KANSL1L: variants seen among roughly 807,000 people sequenced by gnomAD.
KANSL1L encodes KAT8 regulatory NSL complex subunit 1 like, also known as KAT8 regulatory NSL complex subunit 1-like protein.
In KANSL1L, 25 loss-of-function variants were observed where a neutral mutation model predicts 108.6. The observed-to-expected ratio is 0.23, with a 90% CI of 0.17 to 0.32. The LOEUF (loss-of-function observed/expected upper bound fraction) is 0.32, where lower values mean the gene tolerates loss of function less well. Among genes scored for constraint, KANSL1L ranks in the 10% least tolerant of loss-of-function variants. The pLI is 1.00. For missense variants in KANSL1L, 1,137 were observed against 1,125.7 expected (o/e 1.01, Z -0.14); for synonymous variants, 405 against 395.1 (o/e 1.03, Z -0.30).
intron 3 of KANSL1L, among the ~76,000 whole-genome samples, chr2:210,114,486 A>G (rs536662015): frequency 6.6e-6 from 1 of 152,298 alleles, no homozygotes; most frequent in South Asian, 2.1e-4. Context: ...AGGTGAAATG[A>G]AAGACGTAGA....
chr2:210,138,223 C>G (rs1193894324), intron 2 of KANSL1L, among the ~76,000 whole-genome samples: 1 of 151,606 alleles, frequency 6.6e-6, no homozygotes, highest in African/African-American at 2.4e-5. Context: ...AAACAGAAAA[C>G]CAAATACTGC....
In KANSL1L at chr2:210,154,556, T is replaced by A. The variant is rs1315103081; in HGVS notation, c.27A>T (p.Thr9=). The change falls in exon 2 of 15, where the codon ACA becomes ACT. Residue 9 remains threonine, a synonymous_variant. Transcript: ENST00000281772. The part of the protein sequence containing the change: MTPALREA[T]AKGISFSSLP... ...AAGATGAAAAGCTGATACCCTTTGCTGTTGCCTCCCTCAGAGCTGGGGTCA... is the reference window on the plus strand; with the variant it reads ...AAGATGAAAAGCTGATACCCTTTGCAGTTGCCTCCCTCAGAGCTGGGGTCA... 1 of 1,543,968 alleles carries A rather than the reference T, an allele frequency of 6.5e-7. No individual in the cohort carries two copies.
At position 210,043,892 on chromosome 2, in the gene KANSL1L, C is replaced by T. The variant is rs2094195708; in HGVS notation, c.1921+47G>A. 4 of 1,273,386 alleles carry T rather than the reference C, an allele frequency of 3.1e-6. No homozygotes were observed. The East Asian group carries it at 1.0e-4, about 32-fold the overall frequency. The allele number at this position is 1,273,386 out of a possible 1,614,324, so 78.9% of individuals were successfully genotyped here. On this transcript the variant is annotated intron_variant, in intron 7 of 14. Transcript: ENST00000281772. ...TCTCTGTATTTAGAGGATTAGATTT[C>T]AGTACAGAAAATATCGTTACTTAGA... is the stretch of plus-strand genomic sequence containing the variant.
At chr2:210,145,771 C>G (rs898832278) in intron 2 of KANSL1L, among the ~76,000 whole-genome samples, 6 of 152,168 alleles carry the variant, frequency 3.9e-5, no homozygotes, top group Non-Finnish European at 7.4e-5. Flanking sequence ...GCAACCTGGG[C>G]TCCAAGGCTT....
intron 6 of KANSL1L, among the ~76,000 whole-genome samples, chr2:210,057,752 C>T (rs182345342): frequency 5.3e-5 from 8 of 152,210 alleles, no homozygotes; most frequent in East Asian, 1.9e-4. Context: ...TAATTTCTTA[C>T]GCCTGTCTTT....
chr2:210,027,137 C>G (rs1402689201), intron 12 of KANSL1L, among the ~76,000 whole-genome samples, 159 bp downstream of exon 12: 1 of 151,936 alleles, frequency 6.6e-6, no homozygotes, highest in East Asian at 1.9e-4. Context: ...AAACATTTTT[C>G]GAATATTCTT....
Position 210,154,329 on chromosome 2 carries a change from G to T in KANSL1L, c.254C>A (p.Ser85Tyr). 6.2e-7 allele frequency: 1 copy of T among 1,610,904 alleles called. No individual in the cohort carries two copies. Among genetic ancestry groups the T allele is most frequent in the South Asian group, 1.1e-5 (1 of 90,322 alleles). ...ATTGTGTTTATTTAATGTAGAATTA[G>T]ATCTCATTAAAAAAACAGTCTGGTA... ...KHYQTVFLMR[S>Y]NSTLNKHNEN... is the part of the protein sequence containing the mutation. The change falls in exon 2 of 15, where the codon TCT becomes TAT. Residue 85 changes from serine to tyrosine, a missense_variant. Ser to Tyr is a moderately radical substitution (Grantham distance 144). Around this residue, in one of 3 missense-constraint regions of KANSL1L, gnomAD observed 556 missense variants for 537.7 expected, o/e 1.03. Coordinates refer to ENST00000281772, the MANE Select transcript of KANSL1L (RefSeq NM_152519.4).
intron 6 of KANSL1L, among the ~76,000 whole-genome samples, chr2:210,051,185 A>T (rs1336100798): frequency 6.6e-6 from 1 of 152,160 alleles, no homozygotes. Flanking sequence ...GCTAGTTCCC[A>T]CATACTTTAT....
chr2:210,024,692 C>G (rs1207082448), intron 13 of KANSL1L, among the ~76,000 whole-genome samples: 2 of 151,882 alleles, frequency 1.3e-5, no homozygotes, highest in Non-Finnish European at 2.9e-5. Flanking sequence ...TTAGATTAAA[C>G]AGGTTTCTTG....
At chr2:210,160,912 G>A (rs995860885) in intron 1 of KANSL1L, among the ~76,000 whole-genome samples, 2 of 151,672 alleles carry the variant, frequency 1.3e-5, no homozygotes, top group Non-Finnish European at 2.9e-5. Context: ...AAGACAGTGT[G>A]GCATTAGCAA....
intron 5 of KANSL1L, chr2:210,079,663 T>TA (rs1427837256): frequency 7.3e-5 from 1 of 13,610 alleles, no homozygotes; most frequent in African/African-American, 2.2e-4. Context: ...TATATATATA[T>TA]ATGTATGTGT....
chr2:210,025,108 T>C lies in KANSL1L; in HGVS notation c.2560A>G (p.Ser854Gly), dbSNP rs1476897797. 2 of 1,594,960 alleles carry C rather than the reference T, an allele frequency of 1.3e-6. No individual in the cohort carries two copies. Among genetic ancestry groups the C allele is most frequent in the Non-Finnish European group, 8.6e-7 (1 of 1,162,550 alleles). Reference protein sequence around the residue: ...WEQSKWHRRNSRAYSKNVEGQ... With the variant: ...WEQSKWHRRNGRAYSKNVEGQ... The stretch of plus-strand genomic sequence containing the variant: ...GGTTTTAAATTTGTAACCTGCCTGC[T>C]GTTTCTTCTGTGCCACTTGCTTTGC... Residue 854 changes from serine to glycine, a missense_variant, in exon 13 of 15, where the codon AGC becomes GGC. By Grantham distance (56) the Ser-to-Gly change is moderately conservative. This residue lies in a region of KANSL1L where 575 missense variants were observed against 567.1 expected (regional missense o/e 1.01). Transcript: ENST00000281772.
Position 210,029,925 on chromosome 2 carries a change from T to C in KANSL1L, c.2156-7A>G, listed in dbSNP as rs781696197. ...TCAAGTTTAGTTCTTTCTCCTGCCA[T>C]GGAAAGAACCATTGAATGTTACACA... On this transcript the variant is annotated splice_polypyrimidine_tract_variant and splice_region_variant and intron_variant, in intron 9 of 14. Transcript: ENST00000281772. The C allele has an allele frequency of 1.4e-6, 2 of 1,414,260 alleles. No homozygotes were observed. Among genetic ancestry groups the C allele is most frequent in the Non-Finnish European group, 1.0e-6 (1 of 1,003,212 alleles). The allele number at this position is 1,414,260 out of a possible 1,614,324, so 87.6% of individuals were successfully genotyped here.
intron 6 of KANSL1L, among the ~76,000 whole-genome samples, chr2:210,068,524 C>T (rs1392416382): frequency 1.3e-5 from 2 of 152,106 alleles, no homozygotes; most frequent in East Asian, 1.9e-4. Context: ...TCAGCCACCC[C>T]GAGGACATGA....
chr2:210,143,195 CTTTT>C (rs937953610), intron 2 of KANSL1L, among the ~76,000 whole-genome samples: 6 of 151,646 alleles, frequency 4.0e-5, no homozygotes, highest in African/African-American at 1.5e-4. Flanking sequence ...ATATACTTAC[CTTTT>C]TGTCTTTTTT....
At chr2:210,067,882 T>C (rs2094478281) in intron 6 of KANSL1L, among the ~76,000 whole-genome samples, 1 of 152,052 alleles carries the variant, frequency 6.6e-6, no homozygotes, top group Admixed American at 6.6e-5. Flanking sequence ...ATTTTATTTT[T>C]ATTTATTTAT....
chr2:210,100,277 C>G (rs777042056), intron 4 of KANSL1L, among the ~76,000 whole-genome samples: 27 of 152,164 alleles, frequency 1.8e-4, no homozygotes, highest in Non-Finnish European at 5.9e-5. Context: ...ACCATCCCCC[C>G]ATCCCCACCC....
rs567774990 is a variant in KANSL1L at position 210,057,983 on chromosome 2, G to A, written c.1756-13879C>T. 2.8e-4 allele frequency among the ~76,000 whole-genome samples: 42 copies of A among 152,192 alleles called. No homozygotes were observed. In the East Asian group the frequency reaches 7.0e-3, roughly 25 times the overall value. On this transcript the variant is annotated intron_variant, in intron 6 of 14. Transcript: ENST00000281772. ...TGTGTTTGAACAATATGAAATCTGG[G>A]TACCTTGAAAAAAGAACAGGATGAC... is the stretch of plus-strand genomic sequence containing the variant.
chr2:210,028,847 T>C lies in KANSL1L; in HGVS notation c.2394A>G (p.Pro798=), dbSNP rs1029177209. 6.3e-7 allele frequency: 1 copy of C among 1,576,074 alleles called. No homozygotes were observed. The highest frequency in any genetic ancestry group is 8.7e-7 in the Non-Finnish European group (1 of 1,152,722). ...EKLQYKEILT[P]SWRMVVLQPL... ...TATGAAGATGTAAGTATACATACCT[T>C]GGAGTAAGTATTTCCTTATATTGGA... Residue 798 remains proline (P), a splice_region_variant and synonymous_variant, in exon 11 of 15, where the codon CCA becomes CCG. Coordinates refer to ENST00000281772, the MANE Select transcript of KANSL1L (RefSeq NM_152519.4).
Sources: allele counts gnomAD v4.1 joint callset (sites outside exome capture counted in the v4.1 genomes callset), GRCh38; gene constraint gnomAD v4.1.1; regional missense constraint gnomAD v4.1.1; transcripts MANE v1.5; gene names NCBI Gene and HGNC (gene_info 2026-07-23, HGNC 2026-07-21).